Variants in POP7 observed in about 807,000 individuals in gnomAD.
POP7 encodes ribonuclease P protein subunit p20.
A neutral mutation model predicts 7.5 loss-of-function variants in POP7; 5 were observed. That is an observed-to-expected ratio of 0.66 (90% CI 0.35 to 1.40). The LOEUF is 1.40. Among genes scored for constraint, POP7 ranks in the 40% most tolerant of loss-of-function variants. The pLI is 0.04. For missense variants in POP7, 170 were observed against 189.1 expected, an observed-to-expected ratio of 0.90 and a Z score of 0.59; for synonymous variants, 85 against 81.6, an observed-to-expected ratio of 1.04 and a Z score of -0.23.
At position 100,707,349 on chromosome 7, in the gene POP7, T is replaced by C. The variant is rs1365262655; in HGVS notation, c.*96T>C. The stretch of plus-strand genomic sequence containing the variant: ...CCAGAGCCATGTAAGAAAAGGCCTG[T>C]TCCCTGGAAGCCCAAAGGACTCTGC... On this transcript the variant is annotated 3_prime_UTR_variant, in exon 2 of 2. Coordinates refer to ENST00000303151, the MANE Select transcript of POP7 (RefSeq NM_005837.3). 1.6e-5 allele frequency: 22 copies of C among 1,384,384 alleles called. No individual in the cohort carries two copies. The Admixed American group carries it at 5.3e-4, about 33-fold the overall frequency. 85.8% of individuals were successfully genotyped at this position (1,384,384 alleles called of 1,614,324 possible). A position where few individuals can be genotyped will look rare whatever the true frequency, so the allele number is the denominator to read the frequency against.
At position 100,707,181 on chromosome 7, in the gene POP7, A is replaced by T. The variant is rs545847664; in HGVS notation, c.351A>T (p.Thr117=). 2 of 1,614,212 alleles carry T rather than the reference A, an allele frequency of 1.2e-6. No homozygotes were observed. Among genetic ancestry groups the T allele is most frequent in the Admixed American group, 3.3e-5 (2 of 60,024 alleles). The change falls in exon 2 of 2, where the codon ACA becomes ACT. Residue 117 remains threonine (T), a synonymous_variant. Transcript: ENST00000303151. The part of the protein sequence containing the change: ...LVDELEPETD[T]REPLTRIRNN... Reference sequence around the variant, plus strand: ...ATGAGCTGGAGCCAGAGACCGACACACGGGAGCCACTGACTCGGATCCGCA... The same window carrying T: ...ATGAGCTGGAGCCAGAGACCGACACTCGGGAGCCACTGACTCGGATCCGCA...
At position 100,707,011 on chromosome 7, in the gene POP7, C is replaced by G; in HGVS notation, c.181C>G (p.Arg61Gly). The change falls in exon 2 of 2, where the codon CGG becomes GGG. Residue 61 changes from arginine (R) to glycine (G), a missense_variant. Coordinates refer to ENST00000303151, the MANE Select transcript of POP7 (RefSeq NM_005837.3). ...RCQKLLDGGA[R>G]GQNACSEIYI... is the part of the protein sequence containing the mutation. ...CCAGAAGCTGCTGGACGGAGGGGCC[C>G]GGGGTCAGAACGCGTGCTCTGAGAT... 6.2e-7 allele frequency: 1 copy of G among 1,613,842 alleles called. No homozygotes were observed. The highest frequency in any genetic ancestry group is 8.5e-7 in the Non-Finnish European group (1 of 1,179,992).
Position 100,706,922 on chromosome 7 carries a change from C to T in POP7, c.92C>T (p.Pro31Leu). The T allele has an allele frequency of 6.2e-7, 1 of 1,614,018 alleles. No homozygotes were observed. Among genetic ancestry groups the T allele is most frequent in the Non-Finnish European group, 8.5e-7 (1 of 1,180,032 alleles). The change falls in exon 2 of 2, where the codon CCC becomes CTC. Residue 31 changes from proline (P) to leucine (L), a missense_variant. Pro to Leu is a moderately conservative substitution (Grantham distance 98, BLOSUM62 -3). Transcript: ENST00000303151. ...TLRKRLPSRL[P>L]RRPNDIYVNM... is the part of the protein sequence containing the mutation. ...AGGAAAAGGCTTCCCAGCCGCCTGC[C>T]CCGGAGACCCAATGACATTTATGTC...
rs200598823 is a variant in POP7, at chr7:100,707,161, C to T, written c.331C>T (p.Leu111=). 17 of 1,614,096 alleles carry T rather than the reference C, an allele frequency of 1.1e-5. No homozygotes were observed. Among genetic ancestry groups the T allele is most frequent in the Non-Finnish European group, 1.3e-5 (15 of 1,180,052 alleles). The stretch of plus-strand genomic sequence containing the variant: ...CTCCACCGTGGAGCTTGTTGATGAG[C>T]TGGAGCCAGAGACCGACACACGGGA... ...NTSTVELVDE[L]EPETDTREPL... The change falls in exon 2 of 2, where the codon CTG becomes TTG. Residue 111 remains leucine, a synonymous_variant. Transcript: ENST00000303151.
intron 1 of POP7, 143 bp from the exon 2 acceptor site, chr7:100,706,678 T>A: frequency 3.7e-6 from 3 of 810,348 alleles, no homozygotes; most frequent in Non-Finnish European, 5.8e-6. Flanking sequence ...GCTCCAGTGA[T>A]CCTCCCGCCT....
In POP7 at chr7:100,706,189, C is replaced by A. The variant is rs1402112910; in HGVS notation, c.-126C>A. The A allele has an allele frequency of 6.5e-6, 1 of 153,094 alleles. No individual in the cohort carries two copies. The highest frequency in any genetic ancestry group is 2.4e-5 in the African/African-American group (1 of 41,490). 9.5% of individuals were successfully genotyped at this position (153,094 alleles called of 1,614,324 possible). On this transcript the variant is annotated 5_prime_UTR_variant, in exon 1 of 2. Coordinates refer to ENST00000303151, the MANE Select transcript of POP7 (RefSeq NM_005837.3). ...CGAGCTGGCTGGCTGCTTGCACCCA[C>A]ATCCTTCTTTCTCTGGGACCTGGGG...
chr7:100,706,598 C>G (rs1313258375), intron 1 of POP7, among the ~76,000 whole-genome samples: 1 of 151,982 alleles, frequency 6.6e-6, no homozygotes, highest in Admixed American at 6.6e-5. Flanking sequence ...CCCCTCGGCC[C>G]GGGTAATTAA....
Position 100,707,349 on chromosome 7 carries a change from T to G in POP7, c.*96T>G. The G allele has an allele frequency of 7.2e-7, 1 of 1,384,500 alleles. No individual in the cohort carries two copies. The highest frequency in any genetic ancestry group is 9.8e-7 in the Non-Finnish European group (1 of 1,024,302). The allele number at this position is 1,384,500 out of a possible 1,614,324, so 85.8% of individuals were successfully genotyped here. On this transcript the variant is annotated 3_prime_UTR_variant, in exon 2 of 2. Transcript: ENST00000303151. ...CCAGAGCCATGTAAGAAAAGGCCTG[T>G]TCCCTGGAAGCCCAAAGGACTCTGC... is the stretch of plus-strand genomic sequence containing the variant.
Position 100,706,877 on chromosome 7 carries a change from A to G in POP7, c.47A>G (p.Asp16Gly), listed in dbSNP as rs1021379557. The change falls in exon 2 of 2, where the codon GAT becomes GGT. Residue 16 changes from aspartate to glycine, a missense_variant. Coordinates refer to ENST00000303151, the MANE Select transcript of POP7 (RefSeq NM_005837.3). ...EPRGAVEAEL[D>G]PVEYTLRKRL... ...CGCGGTGCTGTGGAGGCTGAACTGGATCCAGTGGAATACACCCTTAGGAAA... is the reference window on the plus strand; with the variant it reads ...CGCGGTGCTGTGGAGGCTGAACTGGGTCCAGTGGAATACACCCTTAGGAAA... 2 of 1,613,788 alleles carry G rather than the reference A, an allele frequency of 1.2e-6. No homozygotes were observed. The highest frequency in any genetic ancestry group is 1.7e-6 in the Non-Finnish European group (2 of 1,180,026).
At position 100,707,228 on chromosome 7, in the gene POP7, G is replaced by T. The variant is rs1183253826; in HGVS notation, c.398G>T (p.Arg133Leu). Residue 133 changes from arginine (R) to leucine (L), a missense_variant, in exon 2 of 2, where the codon CGA (arginine) becomes CTA (leucine). Coordinates refer to ENST00000303151, the MANE Select transcript of POP7 (RefSeq NM_005837.3). ...CGCAACAACTCAGCCATCCACATCC[G>T]AGTCTTCAGGGTCACACCCAAGTAA... is the stretch of plus-strand genomic sequence containing the variant. ...RIRNNSAIHIRVFRVTPK is the reference protein window; with the variant it reads ...RIRNNSAIHILVFRVTPK The T allele has an allele frequency of 1.9e-6, 3 of 1,613,966 alleles. No individual in the cohort carries two copies. Among genetic ancestry groups the T allele is most frequent in the African/African-American group, 1.3e-5 (1 of 75,044 alleles).
At chr7:100,706,800 C>G in intron 1 of POP7, 21 bp from the exon 2 acceptor site, 1 of 1,603,100 alleles carries the variant, frequency 6.2e-7, no homozygotes, top group East Asian at 2.2e-5. Flanking sequence ...GCCCTCTGAT[C>G]GCGTCCCTTT....
chr7:100,707,224 A>G lies in POP7; in HGVS notation c.394A>G (p.Ile132Val), dbSNP rs752683617. The change falls in exon 2 of 2, where the codon ATC becomes GTC. Residue 132 changes from isoleucine to valine, a missense_variant. By Grantham distance (29) the Ile-to-Val change is conservative. Transcript: ENST00000303151. The stretch of plus-strand genomic sequence containing the variant: ...GATCCGCAACAACTCAGCCATCCAC[A>G]TCCGAGTCTTCAGGGTCACACCCAA... ...TRIRNNSAIH[I>V]RVFRVTPK 1.9e-5 allele frequency: 30 copies of G among 1,614,038 alleles called. 1 individual carries two copies. In the South Asian group the frequency reaches 2.5e-4, roughly 14 times the overall value.
Position 100,707,175 on chromosome 7 carries a change from C to G in POP7, c.345C>G (p.Thr115=), listed in dbSNP as rs202032471. The change falls in exon 2 of 2, where the codon ACC becomes ACG. Residue 115 remains threonine, a synonymous_variant. Coordinates refer to ENST00000303151, the MANE Select transcript of POP7 (RefSeq NM_005837.3). ...VELVDELEPE[T]DTREPLTRIR... ...TTGTTGATGAGCTGGAGCCAGAGAC[C>G]GACACACGGGAGCCACTGACTCGGA... 1 of 1,614,186 alleles carries G rather than the reference C, an allele frequency of 6.2e-7. No homozygotes were observed. Among genetic ancestry groups the G allele is most frequent in the South Asian group, 1.1e-5 (1 of 91,086 alleles).
intron 1 of POP7, 34 bp downstream of exon 1, chr7:100,706,338 T>G (rs1584525784): frequency 3.9e-5 from 6 of 153,034 alleles, no homozygotes; most frequent in South Asian, 2.0e-4. Flanking sequence ...GGGGCGCGAG[T>G]TTGAGGGCGA....
At position 100,706,871 on chromosome 7, in the gene POP7, A is replaced by T. The variant is rs775612881; in HGVS notation, c.41A>T (p.Glu14Val). Reference sequence around the variant, plus strand: ...GAGCCCCGCGGTGCTGTGGAGGCTGAACTGGATCCAGTGGAATACACCCTT... The same window carrying T: ...GAGCCCCGCGGTGCTGTGGAGGCTGTACTGGATCCAGTGGAATACACCCTT... ...NREPRGAVEA[E>V]LDPVEYTLRK... Residue 14 changes from glutamate to valine, a missense_variant, in exon 2 of 2, where the codon GAA (glutamate) becomes GTA (valine). Physicochemically the swap from Glu to Val is moderately radical, Grantham distance 121. Transcript: ENST00000303151. The T allele has an allele frequency of 6.2e-7, 1 of 1,613,898 alleles. No individual in the cohort carries two copies. The highest frequency in any genetic ancestry group is 8.5e-7 in the Non-Finnish European group (1 of 1,180,008).
chr7:100,706,514 C>T, intron 1 of POP7: 1 of 368,284 alleles, frequency 2.7e-6, no homozygotes, highest in Non-Finnish European at 5.0e-6. Flanking sequence ...GCTCTGTTTC[C>T]CAAGCTAGAG....
In POP7 at chr7:100,707,085, G is replaced by A. The variant is rs148804700; in HGVS notation, c.255G>A (p.Ala85=). The A allele has an allele frequency of 1.4e-4, 232 of 1,613,902 alleles. No individual in the cohort carries two copies. Among genetic ancestry groups the A allele is most frequent in the Non-Finnish European group, 1.9e-4 (221 of 1,180,044 alleles). The change falls in exon 2 of 2, where the codon GCG becomes GCA. Residue 85 remains alanine (A), a synonymous_variant. Transcript: ENST00000303151. ...CCATCAACCGCGCCATCAACATCGC[G>A]CTGCAGCTGCAGGCGGGCAGCTTCG... ...GLAINRAINI[A]LQLQAGSFGS...
Position 100,707,345 on chromosome 7 carries a change from C to G in POP7, c.*92C>G. The G allele has an allele frequency of 2.8e-6, 4 of 1,408,838 alleles. No individual in the cohort carries two copies. The highest frequency in any genetic ancestry group is 3.8e-6 in the Non-Finnish European group (4 of 1,045,054). 87.3% of individuals were successfully genotyped at this position (1,408,838 alleles called of 1,614,324 possible). Reference sequence around the variant, plus strand: ...CGGACCAGAGCCATGTAAGAAAAGGCCTGTTCCCTGGAAGCCCAAAGGACT... The same window carrying G: ...CGGACCAGAGCCATGTAAGAAAAGGGCTGTTCCCTGGAAGCCCAAAGGACT... On this transcript the variant is annotated 3_prime_UTR_variant, in exon 2 of 2. Coordinates refer to ENST00000303151, the MANE Select transcript of POP7 (RefSeq NM_005837.3).
chr7:100,706,782 C>A (rs774470599), intron 1 of POP7, 39 bp from the exon 2 acceptor site: 3 of 1,578,024 alleles, frequency 1.9e-6, no homozygotes, highest in South Asian at 2.3e-5. Context: ...GCTTCGAGGT[C>A]CCTCTGAGCC....
Sources: gnomAD v4.1 joint callset for allele counts (sites outside exome capture counted in the v4.1 genomes callset) on GRCh38, gnomAD v4.1.1 for gene constraint, MANE v1.5 for transcripts, NCBI Gene and HGNC (gene_info 2026-07-23, HGNC 2026-07-21) for gene names.